The following CSMD1 variants were observed in gnomAD, a reference collection of about 807,000 sequenced individuals.
CSMD1 encodes the protein CUB and Sushi multiple domains 1.
A neutral mutation model predicts 417.5 loss-of-function variants in CSMD1; 213 were observed. The ratio of observed to expected loss-of-function variants is 0.51; its 90% CI spans 0.46 to 0.57. The LOEUF (loss-of-function observed/expected upper bound fraction) is 0.57. Among genes scored for constraint, CSMD1 ranks in the 20% least tolerant of loss-of-function variants. CSMD1 has a pLI of 0.00. For synonymous variants in CSMD1, 2,862 were observed against 1,736.8 expected (o/e 1.65, Z -16.11); for missense variants, 6,923 against 4,529.7 (o/e 1.53, Z -15.17).
At chr8:4,383,875 A>G (rs1440623829) in intron 3 of CSMD1, among the ~76,000 whole-genome samples, 1 of 152,234 alleles carries the variant, frequency 6.6e-6, no homozygotes, top group South Asian at 2.1e-4. Context: ...AAAGAAGAAA[A>G]TATCTTAAAA....
intron 3 of CSMD1, among the ~76,000 whole-genome samples, chr8:4,174,473 G>C (rs911169924): frequency 6.6e-6 from 1 of 151,504 alleles, no homozygotes. Context: ...AATAGGTTTG[G>C]AAGGTTATTA....
At chr8:3,853,798 A>G (rs1381576797) in intron 5 of CSMD1, among the ~76,000 whole-genome samples, 1 of 151,388 alleles carries the variant, frequency 6.6e-6, no homozygotes, top group Non-Finnish European at 1.5e-5. Context: ...GCAGCACACC[A>G]ACATGGCACA....
chr8:4,306,598 C>T (rs1798262240), intron 3 of CSMD1, among the ~76,000 whole-genome samples: 1 of 152,112 alleles, frequency 6.6e-6, no homozygotes, highest in Non-Finnish European at 1.5e-5. Flanking sequence ...CATCCTGATG[C>T]TTTCCTTCTT....
intron 3 of CSMD1, among the ~76,000 whole-genome samples, chr8:4,388,303 T>TACATACAC (rs1554456249): frequency 1.7e-5 from 2 of 117,136 alleles, no homozygotes; most frequent in African/African-American, 7.6e-5. Context: ...GAAACTGTGA[T>TACATACAC]ACACACACAC....
chr8:3,419,234 C>T (rs909897929), intron 12 of CSMD1, among the ~76,000 whole-genome samples: 2 of 152,210 alleles, frequency 1.3e-5, no homozygotes, highest in African/African-American at 4.8e-5. Context: ...CAGAAGGATA[C>T]TATCAGGCTT....
intron 2 of CSMD1, among the ~76,000 whole-genome samples, chr8:4,600,106 A>C (rs1800504402): frequency 1.3e-5 from 2 of 152,174 alleles, no homozygotes; most frequent in African/African-American, 4.8e-5. Context: ...GTGGCAGTCT[A>C]GGTCGGGCTG....
chr8:4,774,876 C>A (rs1454547043), intron 1 of CSMD1, among the ~76,000 whole-genome samples: 1 of 152,172 alleles, frequency 6.6e-6, no homozygotes, highest in Non-Finnish European at 1.5e-5. Flanking sequence ...TCCGCCATGA[C>A]TGAAAGTTAC....
At chr8:4,463,778 T>C (rs1040207968) in intron 2 of CSMD1, among the ~76,000 whole-genome samples, 21 of 152,250 alleles carry the variant, frequency 1.4e-4, no homozygotes, top group African/African-American at 4.8e-4. Flanking sequence ...TACTAATGGA[T>C]ACTGGGTTTT....
At chr8:3,389,857 T>C (rs1237257703) in intron 17 of CSMD1, among the ~76,000 whole-genome samples, 1 of 152,202 alleles carries the variant, frequency 6.6e-6, no homozygotes, top group Admixed American at 6.5e-5. Context: ...AATACTTCCA[T>C]TCATTTTTAA....
In CSMD1 at chr8:4,849,667, A is replaced by G. The variant is rs574888828; in HGVS notation, c.85+144665T>C. Among the ~76,000 whole-genome samples the G allele has an allele frequency of 1.4e-4, 22 of 152,284 alleles. No individual in the cohort carries two copies. In the South Asian group the frequency reaches 1.9e-3, roughly 13 times the overall value. ...ACTTGATATTGTATTATAGTTGTCC[A>G]TATTATTTAGTGCAGTAACATGCTG... On this transcript the variant is annotated intron_variant, in intron 1 of 69. Transcript: ENST00000635120.
intron 6 of CSMD1, among the ~76,000 whole-genome samples, chr8:3,732,961 A>G (rs561283818): frequency 6.6e-6 from 1 of 152,132 alleles, no homozygotes; most frequent in Admixed American, 6.6e-5. Flanking sequence ...CTACTTACCT[A>G]CCTACCTATC....
At chr8:3,624,748 G>C (rs990807603) in intron 7 of CSMD1, among the ~76,000 whole-genome samples, 6 of 152,176 alleles carry the variant, frequency 3.9e-5, no homozygotes, top group African/African-American at 1.4e-4. Flanking sequence ...CTAGACTTCA[G>C]ACCTTCCTGC....
intron 7 of CSMD1, among the ~76,000 whole-genome samples, chr8:3,636,556 G>C (rs112501348): frequency 9.8e-5 from 15 of 152,298 alleles, no homozygotes; most frequent in African/African-American, 2.9e-4. Context: ...CCTGAGGAAT[G>C]TACATGTAAC....
Position 4,302,816 on chromosome 8 carries a change from C to T in CSMD1, c.415+117137G>A, listed in dbSNP as rs368401446. Among the ~76,000 whole-genome samples, 121 of 152,242 alleles carry T rather than the reference C, an allele frequency of 7.9e-4. 1 individual carries two copies. The South Asian group carries it at 0.023, about 29-fold the overall frequency. On this transcript the variant is annotated intron_variant, in intron 3 of 69. Transcript: ENST00000635120. The stretch of plus-strand genomic sequence containing the variant: ...CCCTCTACAAGCCAGAGAGTGAAGT[C>T]ACAGGGTCCTAGTGACCCTGTGTTT...
rs1802159988 is a variant in CSMD1, at chr8:3,616,769, A to G, written c.1038T>C (p.Ser346=). 6.2e-7 allele frequency: 1 copy of G among 1,612,312 alleles called. No homozygotes were observed. The highest frequency in any genetic ancestry group is 1.3e-5 in the African/African-American group (1 of 74,886). ...GAATCCCAGGATCTGGACACATGTC[A>G]GAGACCAATGCAACACCTCCTTGGC... ...VLSQGGVALV[S]DMCPDPGIPE... Residue 346 remains serine, a synonymous_variant, in exon 8 of 70, where the codon TCT becomes TCC. Coordinates refer to ENST00000635120, the MANE Select transcript of CSMD1 (RefSeq NM_033225.6).
At chr8:4,744,036 C>G (rs998673089) in intron 1 of CSMD1, among the ~76,000 whole-genome samples, 2 of 152,222 alleles carry the variant, frequency 1.3e-5, no homozygotes, top group Non-Finnish European at 2.9e-5. Context: ...GGCTGGCACA[C>G]GCAGCCCCGT....
chr8:4,389,864 T>A (rs542511556), intron 3 of CSMD1, among the ~76,000 whole-genome samples: 97 of 152,260 alleles, frequency 6.4e-4, no homozygotes, highest in African/African-American at 1.8e-3. Context: ...ACTTTATATA[T>A]CTCCCGCCCT....
intron 5 of CSMD1, among the ~76,000 whole-genome samples, chr8:3,801,874 C>T (rs1216852581): frequency 1.3e-5 from 2 of 152,068 alleles, no homozygotes; most frequent in African/African-American, 4.8e-5. Flanking sequence ...AATCACAAAA[C>T]ACCACATATT....
intron 3 of CSMD1, among the ~76,000 whole-genome samples, chr8:4,340,732 G>C (rs990945230): frequency 4.6e-5 from 7 of 152,058 alleles, no homozygotes; most frequent in Non-Finnish European, 7.4e-5. Context: ...GGAACAAACT[G>C]AAAATTTATT....
Sources: gnomAD v4.1 joint callset for allele counts (sites outside exome capture counted in the v4.1 genomes callset) on GRCh38, gnomAD v4.1.1 for gene constraint, MANE v1.5 for transcripts, NCBI Gene and HGNC (gene_info 2026-07-23, HGNC 2026-07-21) for gene names.